The following CDK5 variants were observed in gnomAD, a reference collection of about 807,000 sequenced individuals.
CDK5 encodes the protein cyclin dependent kinase 5.
Under a neutral mutation model 44.6 loss-of-function variants are expected in CDK5, and 18 were observed. The ratio of observed to expected loss-of-function variants is 0.40; its 90% CI spans 0.28 to 0.60. The LOEUF (loss-of-function observed/expected upper bound fraction) is 0.60, where lower values mean the gene tolerates loss of function less well. Among genes scored for constraint, CDK5 ranks in the 20% least tolerant of loss-of-function variants. CDK5 has a pLI of 0.38. For synonymous variants in CDK5, 143 were observed against 152.8 expected, an observed-to-expected ratio of 0.94 and a Z score of 0.47; for missense variants, 198 against 368.1, an observed-to-expected ratio of 0.54 and a Z score of 3.78.
Position 151,056,382 on chromosome 7 carries a change from A to G in CDK5, c.312+198T>C. 1.6e-6 allele frequency: 1 copy of G among 607,522 alleles called. No homozygotes were observed. Among genetic ancestry groups the G allele is most frequent in the East Asian group, 2.7e-5 (1 of 36,486 alleles). The allele number at this position is 607,522 out of a possible 1,614,324, so 37.6% of individuals were successfully genotyped here. On this transcript the variant is annotated intron_variant, in intron 5 of 11. Coordinates refer to ENST00000485972, the MANE Select transcript of CDK5 (RefSeq NM_004935.4). This position sits in a 1 kb window ranked among gnomAD's most constrained non-coding sequence, Gnocchi z 4.7. ...ATAATATCACTGACATCAGAATGAC[A>G]CTGTGCGGGTCAAAGATGACCACGT...
In CDK5 at chr7:151,056,240, A is replaced by G; in HGVS notation, c.312+340T>C. 2 of 525,078 alleles carry G rather than the reference A, an allele frequency of 3.8e-6. No homozygotes were observed. The highest frequency in any genetic ancestry group is 2.5e-5 in the South Asian group (1 of 39,980). 32.5% of individuals were successfully genotyped at this position (525,078 alleles called of 1,614,324 possible). A position where few individuals can be genotyped will look rare whatever the true frequency, so the allele number is the denominator to read the frequency against. On this transcript the variant is annotated intron_variant, in intron 5 of 11. Coordinates refer to ENST00000485972, the MANE Select transcript of CDK5 (RefSeq NM_004935.4). This position sits in a 1 kb window ranked among gnomAD's most constrained non-coding sequence, Gnocchi z 4.7. Reference sequence around the variant, plus strand: ...ACTGGCTCCCCTGGAACCTGGACCAAGGCATTTGGTCTTGGGCCTAGAAAA... The same window carrying G: ...ACTGGCTCCCCTGGAACCTGGACCAGGGCATTTGGTCTTGGGCCTAGAAAA...
At position 151,054,315 on chromosome 7, in the gene CDK5, A is replaced by G. The variant is rs1430764875; in HGVS notation, c.712-23T>C. ...GGGCTGTGGAGAGGCAGGGAGGGTC[A>G]GACTAGAGGTAGGGGGAGGGGGATG... On this transcript the variant is annotated intron_variant, in intron 10 of 11. Coordinates refer to ENST00000485972, the MANE Select transcript of CDK5 (RefSeq NM_004935.4). The surrounding 1 kb of genome is among the most constrained non-coding windows in gnomAD (Gnocchi z 5.7). The G allele has an allele frequency of 3.1e-6, 5 of 1,613,272 alleles. No individual in the cohort carries two copies. The highest frequency in any genetic ancestry group is 4.2e-6 in the Non-Finnish European group (5 of 1,179,522).
rs563686216 is a variant in CDK5, at chr7:151,055,944, A to T, written c.313-96T>A. ...CTCTCCTCACCCTGTGCTTCGCTCCACCCCACCCACCTTTCAGCACCTGGT... is the reference window on the plus strand; with the variant it reads ...CTCTCCTCACCCTGTGCTTCGCTCCTCCCCACCCACCTTTCAGCACCTGGT... On this transcript the variant is annotated intron_variant, in intron 5 of 11. Coordinates refer to ENST00000485972, the MANE Select transcript of CDK5 (RefSeq NM_004935.4). 94 of 763,744 alleles carry T rather than the reference A, an allele frequency of 1.2e-4. 1 individual carries two copies. In the South Asian group the frequency reaches 1.4e-3, roughly 12 times the overall value. 47.3% of individuals were successfully genotyped at this position (763,744 alleles called of 1,614,324 possible). A position where few individuals can be genotyped will look rare whatever the true frequency, so the allele number is the denominator to read the frequency against.
In CDK5 at chr7:151,057,068, C is replaced by T; in HGVS notation, c.126+4G>A. Reference sequence around the variant, plus strand: ...CCAGGCCGTATCCCACTCCCCAGTCCTACCTCATCATCGTCATCCAGCCTC... The same window carrying T: ...CCAGGCCGTATCCCACTCCCCAGTCTTACCTCATCATCGTCATCCAGCCTC... On this transcript the variant is annotated splice_donor_region_variant and intron_variant, in intron 2 of 11. Coordinates refer to ENST00000485972, the MANE Select transcript of CDK5 (RefSeq NM_004935.4). The surrounding 1 kb of genome is among the most constrained non-coding windows in gnomAD (Gnocchi z 5.2). The T allele has an allele frequency of 6.2e-7, 1 of 1,613,910 alleles. No individual in the cohort carries two copies. The highest frequency in any genetic ancestry group is 8.5e-7 in the Non-Finnish European group (1 of 1,179,824).
rs1289780107 is a variant in CDK5 at position 151,054,055 on chromosome 7, TCTG to T, written c.830_832del (p.Ala277del). 1 of 1,602,604 alleles carries T rather than the reference TCTG, an allele frequency of 6.2e-7. No homozygotes were observed. The highest frequency in any genetic ancestry group is 8.5e-7 in the Non-Finnish European group (1 of 1,174,786). ...GAAGTAGGGGTGCTGCAGGGCCTCT[TCTG>T]CTGAGATACGCTGGACAGGGTTACA... is the stretch of plus-strand genomic sequence containing the variant. On this transcript the variant is annotated inframe_deletion, in exon 12 of 12. Coordinates refer to ENST00000485972, the MANE Select transcript of CDK5 (RefSeq NM_004935.4). The surrounding 1 kb of genome is among the most constrained non-coding windows in gnomAD (Gnocchi z 5.7).
Position 151,056,663 on chromosome 7 carries a change from G to A in CDK5, c.256-27C>T. 6.2e-7 allele frequency: 1 copy of A among 1,611,860 alleles called. No individual in the cohort carries two copies. ...TGAAAAGGGATATGAGTGGGGGAATGGGACAGAGTTTAACCTCAATCTGGG... is the reference window on the plus strand; with the variant it reads ...TGAAAAGGGATATGAGTGGGGGAATAGGACAGAGTTTAACCTCAATCTGGG... On this transcript the variant is annotated intron_variant, in intron 4 of 11. Coordinates refer to ENST00000485972, the MANE Select transcript of CDK5 (RefSeq NM_004935.4). This position sits in a 1 kb window ranked among gnomAD's most constrained non-coding sequence, Gnocchi z 4.7.
chr7:151,054,575 C>T lies in CDK5; in HGVS notation c.651-110G>A. On this transcript the variant is annotated intron_variant, in intron 9 of 11. Coordinates refer to ENST00000485972, the MANE Select transcript of CDK5 (RefSeq NM_004935.4). The surrounding 1 kb of genome is among the most constrained non-coding windows in gnomAD (Gnocchi z 5.7). ...AGGGATTCCTCATACCCACCGCCCA[C>T]TTCTCACCCTCCCTTTACCCTCCGG... The T allele has an allele frequency of 9.8e-7, 1 of 1,024,156 alleles. No individual in the cohort carries two copies. Among genetic ancestry groups the T allele is most frequent in the South Asian group, 1.6e-5 (1 of 63,354 alleles). The allele number at this position is 1,024,156 out of a possible 1,614,324, so 63.4% of individuals were successfully genotyped here.
intron 8 of CDK5, 68 bp from the exon 9 acceptor site, chr7:151,055,164 C>T: frequency 6.4e-7 from 1 of 1,573,052 alleles, no homozygotes. Flanking sequence ...ACCCCCTGAC[C>T]TTCCAGCTCC....
At position 151,056,115 on chromosome 7, in the gene CDK5, G is replaced by A. The variant is rs762769868; in HGVS notation, c.313-267C>T. The A allele has an allele frequency of 6.1e-5, 33 of 545,380 alleles. No individual in the cohort carries two copies. The highest frequency in any genetic ancestry group is 1.0e-4 in the Non-Finnish European group (31 of 305,534). 33.8% of individuals were successfully genotyped at this position (545,380 alleles called of 1,614,324 possible). ...GCCTTGGCAGGTGGATCCTAGATCC[G>A]GCCTAGATCCCAGCCCATGCTGATC... is the stretch of plus-strand genomic sequence containing the variant. On this transcript the variant is annotated intron_variant, in intron 5 of 11. Transcript: ENST00000485972. This position sits in a 1 kb window ranked among gnomAD's most constrained non-coding sequence, Gnocchi z 4.7.
chr7:151,057,163 A>G lies in CDK5; in HGVS notation c.38-3T>C. On this transcript the variant is annotated splice_polypyrimidine_tract_variant and splice_region_variant and intron_variant, in intron 1 of 11. Transcript: ENST00000485972. The surrounding 1 kb of genome is among the most constrained non-coding windows in gnomAD (Gnocchi z 5.2). ...CTTGAACACAGTTCCGTAGGTGCCT[A>G]GGGGAAGGAGGTCAGGGGTCAGGGT... is the stretch of plus-strand genomic sequence containing the variant. 1 of 1,612,302 alleles carries G rather than the reference A, an allele frequency of 6.2e-7. No homozygotes were observed. Among genetic ancestry groups the G allele is most frequent in the Non-Finnish European group, 8.5e-7 (1 of 1,178,378 alleles).
rs1309050766 is a variant in CDK5, at chr7:151,053,873, C to T, written c.*136G>A. ...AAGTCCACAAAGGGAGTGAGAAATT[C>T]GGGCTCAGGCACCCCACCCCGGCTG... On this transcript the variant is annotated 3_prime_UTR_variant, in exon 12 of 12. Transcript: ENST00000485972. 2.0e-5 allele frequency: 13 copies of T among 666,206 alleles called. No homozygotes were observed. Among genetic ancestry groups the T allele is most frequent in the East Asian group, 1.6e-4 (6 of 36,696 alleles). The allele number at this position is 666,206 out of a possible 1,614,324, so 41.3% of individuals were successfully genotyped here. A position where few individuals can be genotyped will look rare whatever the true frequency, so the allele number is the denominator to read the frequency against.
chr7:151,054,334 G>A lies in CDK5; in HGVS notation c.712-42C>T. 5 of 1,611,908 alleles carry A rather than the reference G, an allele frequency of 3.1e-6. No homozygotes were observed. In the African/African-American group the frequency reaches 4.0e-5, roughly 13 times the overall value. ...AGGGTCAGACTAGAGGTAGGGGGAG[G>A]GGGATGGAGGCGCTAGGAATGTGAA... is the stretch of plus-strand genomic sequence containing the variant. On this transcript the variant is annotated intron_variant, in intron 10 of 11. Transcript: ENST00000485972. The surrounding 1 kb of genome is among the most constrained non-coding windows in gnomAD (Gnocchi z 5.7).
In CDK5 at chr7:151,054,408, A is replaced by C; in HGVS notation, c.708T>G (p.Tyr236Ter). Residue 236 changes from tyrosine to a stop codon, truncating the protein, a stop_gained, in exon 10 of 12, where the codon TAT (tyrosine) becomes TAG (stop). Coordinates refer to ENST00000485972, the MANE Select transcript of CDK5 (RefSeq NM_004935.4). LOFTEE classifies it high-confidence loss of function. The surrounding 1 kb of genome is among the most constrained non-coding windows in gnomAD (Gnocchi z 5.7). ...QWPSMTKLPDYKPYPMYPATT... is the reference protein window; with the variant it reads ...QWPSMTKLPD Reference sequence around the variant, plus strand: ...ACCCCCACATTCCCCATCACACCTTATAGTCTGGCAGCTTGGTCATAGAGG... The same window carrying C: ...ACCCCCACATTCCCCATCACACCTTCTAGTCTGGCAGCTTGGTCATAGAGG... 6.2e-7 allele frequency: 1 copy of C among 1,613,408 alleles called. No individual in the cohort carries two copies. The highest frequency in any genetic ancestry group is 8.5e-7 in the Non-Finnish European group (1 of 1,179,616).
At position 151,054,204 on chromosome 7, in the gene CDK5, T is replaced by C. The variant is rs1796849101; in HGVS notation, c.792+8A>G. 6.2e-7 allele frequency: 1 copy of C among 1,610,810 alleles called. No individual in the cohort carries two copies. The highest frequency in any genetic ancestry group is 8.5e-7 in the Non-Finnish European group (1 of 1,178,492). ...GTCCTGACCCACCCTCTACCCCTGG[T>C]CACCTACCTGCAGCAGATCCCTCCC... is the stretch of plus-strand genomic sequence containing the variant. On this transcript the variant is annotated splice_region_variant and intron_variant, in intron 11 of 11. Coordinates refer to ENST00000485972, the MANE Select transcript of CDK5 (RefSeq NM_004935.4). This position sits in a 1 kb window ranked among gnomAD's most constrained non-coding sequence, Gnocchi z 5.7.
chr7:151,053,937 C>T lies in CDK5; in HGVS notation c.*72G>A. On this transcript the variant is annotated 3_prime_UTR_variant, in exon 12 of 12. Coordinates refer to ENST00000485972, the MANE Select transcript of CDK5 (RefSeq NM_004935.4). ...TGGAGCACAGCGCACCAGGCACCCC[C>T]ACTGTCTCACCCCTCTCAAGAGGGG... 1.5e-6 allele frequency: 2 copies of T among 1,351,452 alleles called. No individual in the cohort carries two copies. The highest frequency in any genetic ancestry group is 2.0e-6 in the Non-Finnish European group (2 of 977,016). 83.7% of individuals were successfully genotyped at this position (1,351,452 alleles called of 1,614,324 possible).
Position 151,054,073 on chromosome 7 carries a change from A to C in CDK5, c.815T>G (p.Val272Gly). ...GGCCTCTTCTGCTGAGATACGCTGG[A>C]CAGGGTTACACTTCAGAAGGTTCTG... ...LLQNLLKCNP[V>G]QRISAEEALQ... Residue 272 changes from valine (V) to glycine (G), a missense_variant, in exon 12 of 12, where the codon GTC becomes GGC. Physicochemically the swap from Val to Gly is moderately radical, Grantham distance 109. Coordinates refer to ENST00000485972, the MANE Select transcript of CDK5 (RefSeq NM_004935.4). This position sits in a 1 kb window ranked among gnomAD's most constrained non-coding sequence, Gnocchi z 5.7. 1 of 1,601,984 alleles carries C rather than the reference A, an allele frequency of 6.2e-7. No individual in the cohort carries two copies.
Position 151,054,263 on chromosome 7 carries a change from G to A in CDK5, c.741C>T (p.Ser247=). The A allele has an allele frequency of 6.2e-7, 1 of 1,613,786 alleles. No homozygotes were observed. The highest frequency in any genetic ancestry group is 1.3e-5 in the African/African-American group (1 of 75,028). The change falls in exon 11 of 12, where the codon TCC becomes TCT. Residue 247 remains serine, a synonymous_variant. Transcript: ENST00000485972. This position sits in a 1 kb window ranked among gnomAD's most constrained non-coding sequence, Gnocchi z 5.7. ...TGAGTTTGGGCACGACGTTCACCAG[G>A]GATGTTGTGGCCGGGTACATCGGAT... ...KPYPMYPATT[S]LVNVVPKLNA...
In CDK5 at chr7:151,055,617, T is replaced by C. The variant is rs779714023; in HGVS notation, c.409-11A>G. ...TTTCAGCTCCCCATTCTGAAGGGAATGGGAAGGGGACATGGAGAAGGGCCT... is the reference window on the plus strand; with the variant it reads ...TTTCAGCTCCCCATTCTGAAGGGAACGGGAAGGGGACATGGAGAAGGGCCT... On this transcript the variant is annotated splice_polypyrimidine_tract_variant and intron_variant, in intron 6 of 11. Transcript: ENST00000485972. The C allele has an allele frequency of 7.4e-6, 12 of 1,612,882 alleles. No homozygotes were observed. Among genetic ancestry groups the C allele is most frequent in the Non-Finnish European group, 9.3e-6 (11 of 1,179,206 alleles).
rs748570501 is a variant in CDK5 at position 151,057,192 on chromosome 7, G to T, written c.38-32C>A. The T allele has an allele frequency of 2.0e-6, 3 of 1,524,314 alleles. No homozygotes were observed. Among genetic ancestry groups the T allele is most frequent in the Non-Finnish European group, 2.7e-6 (3 of 1,098,212 alleles). The allele number at this position is 1,524,314 out of a possible 1,614,324, so 94.4% of individuals were successfully genotyped here. The stretch of plus-strand genomic sequence containing the variant: ...GAAGGAGGTCAGGGGTCAGGGTGAG[G>T]ATGCGGCACTCTTCCCTAAGCCAGG... On this transcript the variant is annotated intron_variant, in intron 1 of 11. Coordinates refer to ENST00000485972, the MANE Select transcript of CDK5 (RefSeq NM_004935.4). This position sits in a 1 kb window ranked among gnomAD's most constrained non-coding sequence, Gnocchi z 5.2.
Sources: gnomAD v4.1 joint callset for allele counts on GRCh38, gnomAD v4.1.1 for gene constraint, Gnocchi (gnomAD v3.1) non-coding constraint, MANE v1.5 for transcripts, NCBI Gene and HGNC (gene_info 2026-07-23, HGNC 2026-07-21) for gene names.